Variants in DDX10 observed in about 807,000 individuals in gnomAD.
DDX10 encodes the protein DEAD-box helicase 10.
A neutral mutation model predicts 104.3 loss-of-function variants in DDX10; 74 were observed. The ratio of observed to expected loss-of-function variants is 0.71; its 90% CI spans 0.59 to 0.86. The LOEUF (loss-of-function observed/expected upper bound fraction) is 0.86. Ranked by LOEUF, DDX10 falls within the 40% of genes least tolerant of loss-of-function variation. The probability of loss-of-function intolerance (pLI) is 0.00; values close to 1 mark genes in which losing one functional copy is unlikely to be tolerated. For synonymous variants in DDX10, 351 were observed against 353.4 expected (o/e 0.99, Z 0.08); for missense variants, 952 against 1,040.0 (o/e 0.92, Z 1.16).
Position 108,677,065 on chromosome 11 carries a change from G to C in DDX10, c.379-20G>C. 1 of 1,588,938 alleles carries C rather than the reference G, an allele frequency of 6.3e-7. No homozygotes were observed. Among genetic ancestry groups the C allele is most frequent in the East Asian group, 2.3e-5 (1 of 44,246 alleles). On this transcript the variant is annotated intron_variant, in intron 3 of 17. Transcript: ENST00000322536. ...TGACTTCTGATGACTTACTGAACAT[G>C]AATTTGCTGTCTTTTTGAGGTGCTG...
intron 13 of DDX10, among the ~76,000 whole-genome samples, chr11:108,784,654 T>C (rs1861762544): frequency 6.6e-6 from 1 of 152,224 alleles, no homozygotes; most frequent in Admixed American, 6.5e-5. Context: ...CTGTTTACTC[T>C]GTTGGGAATT....
At chr11:108,908,401 A>G (rs1334823247) in intron 16 of DDX10, among the ~76,000 whole-genome samples, 2 of 152,178 alleles carry the variant, frequency 1.3e-5, no homozygotes, top group Admixed American at 1.3e-4. Flanking sequence ...TTTCCTCTTC[A>G]TGAAATTTCA....
intron 13 of DDX10, among the ~76,000 whole-genome samples, chr11:108,829,890 C>G (rs1165773077): frequency 1.3e-5 from 2 of 152,008 alleles, no homozygotes; most frequent in African/African-American, 2.4e-5. Context: ...GGCTTTATTT[C>G]TGGGTTCTCT....
At chr11:108,703,982 C>G (rs2094272259) in intron 9 of DDX10, among the ~76,000 whole-genome samples, 1 of 152,022 alleles carries the variant, frequency 6.6e-6, no homozygotes. Flanking sequence ...GAGTCTTTTT[C>G]TTCTAAAATT....
In DDX10 at chr11:108,679,409, G is replaced by C. The variant is rs149292245; in HGVS notation, c.697G>C (p.Ala233Pro). 1.9e-6 allele frequency: 3 copies of C among 1,608,648 alleles called. No homozygotes were observed. The highest frequency in any genetic ancestry group is 2.5e-6 in the Non-Finnish European group (3 of 1,178,962). The change falls in exon 6 of 18, where the codon GCT becomes CCT. Residue 233 changes from alanine (A) to proline (P), a missense_variant. Around this residue, in one of 3 missense-constraint regions of DDX10, gnomAD observed 412 missense variants for 479.2 expected, o/e 0.86. Transcript: ENST00000322536. ...AGATAGAATCTTGGATATGGGCTTTGCTGATACCATGAATGCTGTTATTGA... is the reference window on the plus strand; with the variant it reads ...AGATAGAATCTTGGATATGGGCTTTCCTGATACCATGAATGCTGTTATTGA... ...EADRILDMGF[A>P]DTMNAVIENL...
At chr11:108,814,113 C>T (rs910924232) in intron 13 of DDX10, among the ~76,000 whole-genome samples, 1 of 152,036 alleles carries the variant, frequency 6.6e-6, no homozygotes, top group African/African-American at 2.4e-5. Context: ...CTTTACCTTC[C>T]ACCCAAAGCT....
intron 1 of DDX10, among the ~76,000 whole-genome samples, chr11:108,670,785 G>A (rs908691784): frequency 1.3e-5 from 2 of 151,572 alleles, no homozygotes; most frequent in Non-Finnish European, 2.9e-5. Flanking sequence ...CATAGAAACT[G>A]CATTCAAATC....
chr11:108,665,426 C>A (rs2094208850), intron 1 of DDX10, 87 bp downstream of exon 1: 1 of 1,411,724 alleles, frequency 7.1e-7, no homozygotes, highest in African/African-American at 1.5e-5. Flanking sequence ...GTGGAGGCGG[C>A]GGATCTGTCA....
chr11:108,703,438 T>C (rs1456994845), intron 9 of DDX10, among the ~76,000 whole-genome samples: 1 of 152,052 alleles, frequency 6.6e-6, no homozygotes, highest in African/African-American at 2.4e-5. Flanking sequence ...CAAACAATTC[T>C]CCTGCCTTGG....
At position 108,679,258 on chromosome 11, in the gene DDX10, G is replaced by C. The variant is rs181046342; in HGVS notation, c.659-113G>C. 6.2e-5 allele frequency: 56 copies of C among 905,936 alleles called. No homozygotes were observed. In the East Asian group the frequency reaches 1.2e-3, roughly 19 times the overall value. 56.1% of individuals were successfully genotyped at this position (905,936 alleles called of 1,614,324 possible). ...TCCAGACTTTATTCAGGTTTTACCA[G>C]TTTTTCCGCTAATGTTCTTTTTCTG... On this transcript the variant is annotated intron_variant, in intron 5 of 17. Transcript: ENST00000322536.
rs912778914 is a variant in DDX10 at position 108,940,626 on chromosome 11, G to A, written c.*203G>A. The A allele has an allele frequency of 9.3e-6, 4 of 430,212 alleles. No homozygotes were observed. The highest frequency in any genetic ancestry group is 5.7e-5 in the South Asian group (1 of 17,698). 26.6% of individuals were successfully genotyped at this position (430,212 alleles called of 1,614,324 possible). On this transcript the variant is annotated 3_prime_UTR_variant, in exon 18 of 18. Coordinates refer to ENST00000322536, the MANE Select transcript of DDX10 (RefSeq NM_004398.4). Reference sequence around the variant, plus strand: ...CACTGAGCATACTCAGATCGAGGGTGGATGATACCATTTCCTGACCCCGTT... The same window carrying A: ...CACTGAGCATACTCAGATCGAGGGTAGATGATACCATTTCCTGACCCCGTT...
intron 16 of DDX10, among the ~76,000 whole-genome samples, 194 bp downstream of exon 16, chr11:108,852,403 C>T (rs1382148115): frequency 6.6e-6 from 1 of 152,192 alleles, no homozygotes; most frequent in Non-Finnish European, 1.5e-5. Flanking sequence ...GCCTTCTATT[C>T]ACTTTCTTGT....
intron 10 of DDX10, among the ~76,000 whole-genome samples, chr11:108,711,345 TA>T (rs2094284015): frequency 6.6e-6 from 1 of 152,216 alleles, no homozygotes; most frequent in South Asian, 2.1e-4. Flanking sequence ...ATTTCTATGT[TA>T]TGTTATGACA....
At chr11:108,706,574 T>A (rs996650332) in intron 9 of DDX10, among the ~76,000 whole-genome samples, 165 bp from the exon 10 acceptor site, 1 of 152,156 alleles carries the variant, frequency 6.6e-6, no homozygotes, top group African/African-American at 2.4e-5. Flanking sequence ...GAAAATGATA[T>A]GAGGTGTTCA....
chr11:108,703,732 T>C (rs2094271887), intron 9 of DDX10, among the ~76,000 whole-genome samples: 1 of 152,184 alleles, frequency 6.6e-6, no homozygotes, highest in South Asian at 2.1e-4. Flanking sequence ...AAATAGACTT[T>C]GTTCTTGCAA....
chr11:108,737,510 A>G (rs7124142), intron 13 of DDX10, among the ~76,000 whole-genome samples: 10,242 of 152,306 alleles, frequency 0.067, 390 homozygotes, highest in Middle Eastern at 0.13. Context: ...TAAGGCCGAC[A>G]TGGTAGTGAT....
At position 108,723,076 on chromosome 11, in the gene DDX10, A is replaced by C. The variant is rs369671283; in HGVS notation, c.1579A>C (p.Ser527Arg). The C allele has an allele frequency of 1.2e-6, 2 of 1,613,658 alleles. No homozygotes were observed. Among genetic ancestry groups the C allele is most frequent in the Non-Finnish European group, 1.7e-6 (2 of 1,179,868 alleles). Residue 527 changes from serine to arginine, a missense_variant, in exon 13 of 18, where the codon AGC becomes CGC. By Grantham distance (110) the Ser-to-Arg change is moderately radical. Transcript: ENST00000322536. ...ACAACCCACCAAAGAATTGGTAAGG[A>C]GCCAAGCCGATAAAGTAATTGAGCC... ...QKQPTKELVR[S>R]QADKVIEPRA...
intron 13 of DDX10, among the ~76,000 whole-genome samples, chr11:108,762,928 T>G (rs886506289): frequency 8.5e-5 from 13 of 152,220 alleles, no homozygotes; most frequent in Admixed American, 8.5e-4. Flanking sequence ...CTTCGCTGTA[T>G]GTAGAACTCT....
At chr11:108,678,262 C>G (rs772925441) in intron 4 of DDX10, 53 bp from the exon 5 acceptor site, 1 of 1,565,766 alleles carries the variant, frequency 6.4e-7, no homozygotes, top group African/African-American at 1.4e-5. Flanking sequence ...CTTTGGTACA[C>G]AGGCTGCTGA....
Sources: allele counts gnomAD v4.1 joint callset (sites outside exome capture counted in the v4.1 genomes callset), GRCh38; gene constraint gnomAD v4.1.1; regional missense constraint gnomAD v4.1.1; transcripts MANE v1.5; gene names NCBI Gene and HGNC (gene_info 2026-07-23, HGNC 2026-07-21).